GRIA2: variants seen among roughly 807,000 people sequenced by gnomAD.
The protein encoded by GRIA2 is glutamate ionotropic receptor AMPA type subunit 2, also known as glutamate receptor 2.
A neutral mutation model predicts 97.3 loss-of-function variants in GRIA2; 14 were observed. The observed-to-expected ratio is 0.14, with a 90% CI of 0.10 to 0.23. The LOEUF is 0.23. GRIA2 is among the 10% of genes least tolerant of loss of function. The probability of loss-of-function intolerance (pLI) is 1.00; values close to 1 mark genes in which losing one functional copy is unlikely to be tolerated. For missense variants in GRIA2, 558 were observed against 1,069.8 expected, an observed-to-expected ratio of 0.52 and a Z score of 6.67; for synonymous variants, 412 against 387.8, an observed-to-expected ratio of 1.06 and a Z score of -0.73.
At chr4:157,310,854 T>A (rs1387341947) in intron 3 of GRIA2, among the ~76,000 whole-genome samples, 1 of 152,046 alleles carries the variant, frequency 6.6e-6, no homozygotes, top group Admixed American at 6.6e-5. Flanking sequence ...CCCTATAACT[T>A]GGTAGTTAGA....
At chr4:157,235,240 C>G (rs1247709370) in intron 2 of GRIA2, among the ~76,000 whole-genome samples, 1 of 152,038 alleles carries the variant, frequency 6.6e-6, no homozygotes, top group African/African-American at 2.4e-5. Flanking sequence ...AGATTTTCTT[C>G]TTTCTTTTCT....
chr4:157,261,686 C>T (rs533476946), intron 2 of GRIA2, among the ~76,000 whole-genome samples: 4 of 152,192 alleles, frequency 2.6e-5, no homozygotes, highest in South Asian at 2.1e-4. Flanking sequence ...CCTCCACCTT[C>T]GTGATGTTTC....
Position 157,220,827 on chromosome 4 carries a change from T to A in GRIA2, c.-216T>A. ...CTGCATTCAGCCAGTCCTCCGGACTTCTGGAGCGGGGACAGGGCGCAGGGC... is the reference window on the plus strand; with the variant it reads ...CTGCATTCAGCCAGTCCTCCGGACTACTGGAGCGGGGACAGGGCGCAGGGC... On this transcript the variant is annotated 5_prime_UTR_variant, in exon 1 of 16. Transcript: ENST00000264426. 1.7e-6 allele frequency: 1 copy of A among 573,008 alleles called. No individual in the cohort carries two copies. The highest frequency in any genetic ancestry group is 3.1e-6 in the Non-Finnish European group (1 of 321,932). 35.5% of individuals were successfully genotyped at this position (573,008 alleles called of 1,614,324 possible). A position where few individuals can be genotyped will look rare whatever the true frequency, so the allele number is the denominator to read the frequency against.
At chr4:157,338,898 C>A (rs1258656099) in intron 11 of GRIA2, among the ~76,000 whole-genome samples, 4 of 151,846 alleles carry the variant, frequency 2.6e-5, no homozygotes, top group African/African-American at 9.7e-5. Flanking sequence ...AATACAGTAG[C>A]TTATTATCAT....
Position 157,334,081 on chromosome 4 carries a change from T to G in GRIA2, c.1227T>G (p.Ser409=). The G allele has an allele frequency of 6.2e-7, 1 of 1,609,358 alleles. No individual in the cohort carries two copies. Among genetic ancestry groups the G allele is most frequent in the Non-Finnish European group, 8.5e-7 (1 of 1,176,054 alleles). ...LTELPSGNDT[S]GLENKTVVVT... is the part of the protein sequence containing the mutation. ...AGCTCCCTTCTGGAAATGACACCTCTGGGCTTGAGAATAAGACTGTTGTTG... is the reference window on the plus strand; with the variant it reads ...AGCTCCCTTCTGGAAATGACACCTCGGGGCTTGAGAATAAGACTGTTGTTG... Residue 409 remains serine (S), a synonymous_variant, in exon 9 of 16, where the codon TCT becomes TCG. Transcript: ENST00000264426.
chr4:157,340,118 T>A (rs2126948955), intron 11 of GRIA2, among the ~76,000 whole-genome samples: 1 of 151,988 alleles, frequency 6.6e-6, no homozygotes, highest in East Asian at 1.9e-4. Context: ...TCTACAAATA[T>A]TTCCCAAGTG....
At chr4:157,241,649 C>T (rs528551587) in intron 2 of GRIA2, among the ~76,000 whole-genome samples, 6 of 152,098 alleles carry the variant, frequency 3.9e-5, no homozygotes, top group African/African-American at 1.2e-4. Flanking sequence ...GATTAGATAG[C>T]GTTCATCTGT....
intron 12 of GRIA2, chr4:157,342,599 A>G (rs1191725952): frequency 4.4e-6 from 1 of 226,464 alleles, no homozygotes; most frequent in East Asian, 1.8e-4. Flanking sequence ...TTCTAAACAT[A>G]TATGCAATAT....
Position 157,221,097 on chromosome 4 carries a change from AT to A in GRIA2, c.60del (p.Phe20LeufsTer10). ...CCTTTCTCCTGTTTTATGGGGACTG[AT>A]TTTTGGTGTCTCTTCTAACAGCATA... Reference protein sequence around the residue: ...VLLSPVLWGLIFGVSSNSIQI... With the variant: ...VLLSPVLWGLXFGVSSNSIQI... On this transcript the variant is annotated frameshift_variant, in exon 1 of 16. Transcript: ENST00000264426. LOFTEE classifies it high-confidence loss of function. The A allele has an allele frequency of 2.5e-6, 4 of 1,588,050 alleles. No individual in the cohort carries two copies. Among genetic ancestry groups the A allele is most frequent in the Non-Finnish European group, 3.5e-6 (4 of 1,156,248 alleles).
At chr4:157,270,760 G>T (rs1731984473) in intron 2 of GRIA2, among the ~76,000 whole-genome samples, 1 of 152,052 alleles carries the variant, frequency 6.6e-6, no homozygotes, top group African/African-American at 2.4e-5. Context: ...CAGATTGGAT[G>T]TCAGGAAGAC....
chr4:157,312,694 A>C lies in GRIA2; in HGVS notation c.485A>C (p.Gln162Pro). 1.2e-6 allele frequency: 2 copies of C among 1,602,712 alleles called. No homozygotes were observed. Among genetic ancestry groups the C allele is most frequent in the Non-Finnish European group, 1.7e-6 (2 of 1,173,490 alleles). ...YDSDRGLSTL[Q>P]AVLDSAAEKK... ...GCCTTCCTAGGCTTATCAACACTGC[A>C]AGCTGTGCTGGATTCTGCTGCTGAA... The change falls in exon 4 of 16, where the codon CAA becomes CCA. Residue 162 changes from glutamine (Q) to proline (P), a missense_variant. Around this residue, in one of 8 missense-constraint regions of GRIA2, gnomAD observed 173 missense variants for 209.1 expected, o/e 0.83. Transcript: ENST00000264426.
intron 6 of GRIA2, among the ~76,000 whole-genome samples, chr4:157,329,922 C>G (rs928285793): frequency 2.6e-5 from 4 of 151,876 alleles, no homozygotes; most frequent in Non-Finnish European, 5.9e-5. Flanking sequence ...TCACAGAGAT[C>G]TGGATTCAAA....
Position 157,283,433 on chromosome 4 carries a change from G to A in GRIA2, c.230-20119G>A, listed in dbSNP as rs114998121. ...CACAAAGGAAATTACCATAATTAAT[G>A]TGATATTTCTAAGTATTAAATTACT... On this transcript the variant is annotated intron_variant, in intron 2 of 15. Transcript: ENST00000264426. Among the ~76,000 whole-genome samples the A allele has an allele frequency of 1.1e-3, 171 of 152,018 alleles. 1 individual carries two copies. Among genetic ancestry groups the A allele is most frequent in the African/African-American group, 4.0e-3 (168 of 41,512 alleles).
chr4:157,279,724 A>T (rs986740765), intron 2 of GRIA2, among the ~76,000 whole-genome samples: 1 of 152,180 alleles, frequency 6.6e-6, no homozygotes. Flanking sequence ...TAACATAATT[A>T]TCAATGTATT....
intron 3 of GRIA2, among the ~76,000 whole-genome samples, chr4:157,311,173 T>C (rs967509395): frequency 3.3e-5 from 5 of 152,056 alleles, no homozygotes; most frequent in Admixed American, 3.3e-4. Flanking sequence ...ATATAGGAAA[T>C]GCAGGAAAAT....
In GRIA2 at chr4:157,361,708, C is replaced by G; in HGVS notation, c.2406+584C>G. On this transcript the variant is annotated intron_variant, in intron 14 of 15. Coordinates refer to ENST00000264426, the MANE Select transcript of GRIA2 (RefSeq NM_001083619.3). This position sits in a 1 kb window ranked among gnomAD's most constrained non-coding sequence, Gnocchi z 5.2. ...CAAAATCAAACACAAACAGCAAAAT[C>G]AAACCACAAGTGTGTTAGTGGGAAT... is the stretch of plus-strand genomic sequence containing the variant. 8.2e-7 allele frequency: 1 copy of G among 1,222,676 alleles called. No individual in the cohort carries two copies. Among genetic ancestry groups the G allele is most frequent in the South Asian group, 1.2e-5 (1 of 81,868 alleles). 75.7% of individuals were successfully genotyped at this position (1,222,676 alleles called of 1,614,324 possible).
At chr4:157,331,101 A>T (rs1720505796) in intron 6 of GRIA2, among the ~76,000 whole-genome samples, 1 of 152,026 alleles carries the variant, frequency 6.6e-6, no homozygotes, top group African/African-American at 2.4e-5. Context: ...CTCTCAACCC[A>T]GAATTGTGTT....
At position 157,303,500 on chromosome 4, in the gene GRIA2, A is replaced by G. The variant is rs1340432632; in HGVS notation, c.230-52A>G. On this transcript the variant is annotated intron_variant, in intron 2 of 15. Coordinates refer to ENST00000264426, the MANE Select transcript of GRIA2 (RefSeq NM_001083619.3). ...ATTACGTTTTAAGCAAATTCATATGATTGTGTGCCAATTTCAATGATTTTT... is the reference window on the plus strand; with the variant it reads ...ATTACGTTTTAAGCAAATTCATATGGTTGTGTGCCAATTTCAATGATTTTT... The G allele has an allele frequency of 2.6e-5, 40 of 1,551,916 alleles. No individual in the cohort carries two copies. In the East Asian group the frequency reaches 2.9e-4, roughly 11 times the overall value.
intron 7 of GRIA2, 131 bp downstream of exon 7, chr4:157,333,117 G>A: frequency 1.1e-6 from 1 of 942,876 alleles, no homozygotes; most frequent in Non-Finnish European, 1.6e-6. Flanking sequence ...ACAACACAAA[G>A]GTAGGTTGAA....
Sources: gnomAD v4.1 joint callset for allele counts (sites outside exome capture counted in the v4.1 genomes callset) on GRCh38, gnomAD v4.1.1 for gene constraint, gnomAD v4.1.1 regional missense constraint, Gnocchi (gnomAD v3.1) non-coding constraint, MANE v1.5 for transcripts, NCBI Gene and HGNC (gene_info 2026-07-23, HGNC 2026-07-21) for gene names.